CYTH3: variants seen among roughly 807,000 people sequenced by gnomAD.
The protein encoded by CYTH3 is cytohesin-3.
In CYTH3, 23 loss-of-function variants were observed where a neutral mutation model predicts 55.1. The observed-to-expected ratio is 0.42, with a 90% CI of 0.30 to 0.59. CYTH3 has a LOEUF of 0.59. Among genes scored for constraint, CYTH3 ranks in the 20% least tolerant of loss-of-function variants. CYTH3 has a pLI of 0.20. For missense variants in CYTH3, 413 were observed against 524.8 expected (o/e 0.79, Z 2.08); for synonymous variants, 249 against 194.9 (o/e 1.28, Z -2.31).
intron 1 of CYTH3, among the ~76,000 whole-genome samples, chr7:6,194,899 C>T (rs1783889349): frequency 6.6e-6 from 1 of 152,064 alleles, no homozygotes; most frequent in Non-Finnish European, 1.5e-5. Context: ...CACTTGAACC[C>T]AGGAGGTGGA....
intron 4 of CYTH3, 94 bp downstream of exon 4, chr7:6,186,956 C>G (rs912565062): frequency 7.2e-5 from 92 of 1,278,274 alleles, no homozygotes; most frequent in Non-Finnish European, 9.7e-5. Context: ...GGTGACAGGG[C>G]GGACCACCTC....
Position 6,187,698 on chromosome 7 carries a change from C to T in CYTH3, c.141G>A (p.Glu47=). The T allele has an allele frequency of 1.2e-6, 2 of 1,614,150 alleles. No individual in the cohort carries two copies. Among genetic ancestry groups the T allele is most frequent in the South Asian group, 2.2e-5 (2 of 91,082 alleles). Residue 47 remains glutamate, a synonymous_variant, in exon 3 of 13, where the codon GAG becomes GAA. Coordinates refer to ENST00000350796, the MANE Select transcript of CYTH3 (RefSeq NM_004227.4). ...DIERLKYEIA[E]VMTEIDNLTS... is the part of the protein sequence containing the mutation. ...TTAGATTGTCGATCTCTGTCATCAC[C>T]TCTGCAATTTCATATTTCAGCCTCT...
At chr7:6,229,849 T>C (rs1467533654) in intron 1 of CYTH3, among the ~76,000 whole-genome samples, 1 of 146,460 alleles carries the variant, frequency 6.8e-6, no homozygotes, top group Admixed American at 6.8e-5. Context: ...GAATTATCTA[T>C]CTCAGGCTGG....
chr7:6,186,289 G>A (rs1056682289), intron 4 of CYTH3, among the ~76,000 whole-genome samples: 3 of 150,464 alleles, frequency 2.0e-5, no homozygotes, highest in Admixed American at 1.3e-4. Context: ...GAAGACCACA[G>A]GAGTGGCGTG....
chr7:6,170,437 G>A lies in CYTH3; in HGVS notation c.823+98C>T, dbSNP rs1324903845. ...GTTTCTTTTTAACGTCTCTGCCTGC[G>A]GTGGGGGGCATTCCTACGATGAGCC... On this transcript the variant is annotated intron_variant, in intron 9 of 12. Transcript: ENST00000350796. The surrounding 1 kb of genome is among the most constrained non-coding windows in gnomAD (Gnocchi z 7.8). 2.7e-6 allele frequency: 3 copies of A among 1,098,836 alleles called. No homozygotes were observed. Among genetic ancestry groups the A allele is most frequent in the African/African-American group, 3.1e-5 (2 of 63,630 alleles). The allele number at this position is 1,098,836 out of a possible 1,614,324, so 68.1% of individuals were successfully genotyped here.
chr7:6,174,539 GTTTTTTTTTTTTT>G (rs760279977), intron 5 of CYTH3, among the ~76,000 whole-genome samples: 2 of 89,794 alleles, frequency 2.2e-5, no homozygotes, highest in Non-Finnish European at 4.1e-5. Context: ...CTCCTTGTGG[GTTTTTTTTTTTTT>G]TTTTTTTTTT....
chr7:6,236,935 A>G (rs933677802), intron 1 of CYTH3, among the ~76,000 whole-genome samples: 1 of 152,194 alleles, frequency 6.6e-6, no homozygotes, highest in African/African-American at 2.4e-5. Context: ...AAAATTTACA[A>G]ATTTCCCAAT....
intron 1 of CYTH3, among the ~76,000 whole-genome samples, chr7:6,202,845 A>C (rs1271784968): frequency 4.6e-5 from 7 of 152,214 alleles, no homozygotes; most frequent in Non-Finnish European, 4.4e-5. Flanking sequence ...AACATAAGTG[A>C]AAAAAAGGAG....
At position 6,170,800 on chromosome 7, in the gene CYTH3, ACGGCAGCGGCCGCG is replaced by A. The variant is rs1327519377; in HGVS notation, c.711+16_711+29del. On this transcript the variant is annotated intron_variant, in intron 8 of 12. Coordinates refer to ENST00000350796, the MANE Select transcript of CYTH3 (RefSeq NM_004227.4). This position sits in a 1 kb window ranked among gnomAD's most constrained non-coding sequence, Gnocchi z 7.8. ...CGCTCACAGCGAAGAGATCCTGCAG[ACGGCAGCGGCCGCG>A]GGCCGGGGAGCTCACCCTCAGCAGC... The A allele has an allele frequency of 2.5e-6, 4 of 1,596,968 alleles. No individual in the cohort carries two copies. In the Admixed American group the frequency reaches 5.2e-5, roughly 21 times the overall value.
Position 6,162,849 on chromosome 7 carries a change from A to G in CYTH3, c.*2095T>C, listed in dbSNP as rs1782877196. On this transcript the variant is annotated 3_prime_UTR_variant, in exon 13 of 13. Transcript: ENST00000350796. The stretch of plus-strand genomic sequence containing the variant: ...CACCTGGGTTGGTCAGAAGAAGGAA[A>G]CAGCTTGTCCGAGCACAACATGCTG... 6.6e-6 allele frequency: 1 copy of G among 152,624 alleles called. No individual in the cohort carries two copies. The highest frequency in any genetic ancestry group is 2.4e-5 in the African/African-American group (1 of 41,456). The allele number at this position is 152,624 out of a possible 1,614,324, so 9.5% of individuals were successfully genotyped here.
At chr7:6,243,756 T>A (rs1779735016) in intron 1 of CYTH3, among the ~76,000 whole-genome samples, 1 of 152,042 alleles carries the variant, frequency 6.6e-6, no homozygotes, top group African/African-American at 2.4e-5. Flanking sequence ...GGGTCAGAGG[T>A]GGTATTTTAA....
At position 6,164,593 on chromosome 7, in the gene CYTH3, G is replaced by C. The variant is rs182714989; in HGVS notation, c.*351C>G. On this transcript the variant is annotated 3_prime_UTR_variant, in exon 13 of 13. Transcript: ENST00000350796. The stretch of plus-strand genomic sequence containing the variant: ...GTCCCGTGTCTGCTGTGGAGACAGC[G>C]GAAGCTGCTGTCCTGGCTTCTCCCC... 3.3e-3 allele frequency: 1,057 copies of C among 317,928 alleles called. 11 individuals carry two copies. The highest frequency in any genetic ancestry group is 0.022 in the African/African-American group (1,004 of 46,684). The allele number at this position is 317,928 out of a possible 1,614,324, so 19.7% of individuals were successfully genotyped here. A position where few individuals can be genotyped will look rare whatever the true frequency, so the allele number is the denominator to read the frequency against.
intron 1 of CYTH3, among the ~76,000 whole-genome samples, chr7:6,235,472 CAAAA>C (rs57661153): frequency 3.2e-5 from 3 of 93,596 alleles, no homozygotes; most frequent in South Asian, 7.6e-4. Flanking sequence ...GACTCTATCT[CAAAA>C]AAAAAAAAAA....
At position 6,272,536 on chromosome 7, in the gene CYTH3, CGG is replaced by C; in HGVS notation, c.-31_-30del. 1 of 1,209,698 alleles carries C rather than the reference CGG, an allele frequency of 8.3e-7. No homozygotes were observed. 74.9% of individuals were successfully genotyped at this position (1,209,698 alleles called of 1,614,324 possible). On this transcript the variant is annotated 5_prime_UTR_variant, in exon 1 of 13. Coordinates refer to ENST00000350796, the MANE Select transcript of CYTH3 (RefSeq NM_004227.4). The stretch of plus-strand genomic sequence containing the variant: ...GAGGCCACTCCCGCAGCCGGCGAGC[CGG>C]GGGCCGGCAGCAGAGGGGCCGCGGG...
rs146384507 is a variant in CYTH3, at chr7:6,171,367, C to T, written c.450-53G>A. 4.4e-5 allele frequency: 69 copies of T among 1,552,180 alleles called. No homozygotes were observed. The East Asian group carries it at 1.1e-3, about 24-fold the overall frequency. On this transcript the variant is annotated intron_variant, in intron 6 of 12. Transcript: ENST00000350796. The surrounding 1 kb of genome is among the most constrained non-coding windows in gnomAD (Gnocchi z 6.7). The stretch of plus-strand genomic sequence containing the variant: ...CCGCATCAGAACCAACACCGCCTCA[C>T]GGCCAAGGGCGGCTTCTGCCCAGCT...
intron 4 of CYTH3, among the ~76,000 whole-genome samples, chr7:6,185,699 CAAAAA>C (rs34943703): frequency 7.8e-6 from 1 of 127,478 alleles, no homozygotes; most frequent in African/African-American, 2.8e-5. Flanking sequence ...GACTCTGTCT[CAAAAA>C]AAAAAAAAAA....
In CYTH3 at chr7:6,202,709, T is replaced by C. The variant is rs1344068554; in HGVS notation, c.35-12178A>G. Among the ~76,000 whole-genome samples the C allele has an allele frequency of 5.3e-5, 8 of 152,310 alleles. 1 individual carries two copies. In the South Asian group the frequency reaches 1.7e-3, roughly 32 times the overall value. On this transcript the variant is annotated intron_variant, in intron 1 of 12. Coordinates refer to ENST00000350796, the MANE Select transcript of CYTH3 (RefSeq NM_004227.4). ...CCCGACCTGAGGTGATCCGCCCGCCTTGGCCTCCCAAAGTGCTGGGATTAC... is the reference window on the plus strand; with the variant it reads ...CCCGACCTGAGGTGATCCGCCCGCCCTGGCCTCCCAAAGTGCTGGGATTAC...
chr7:6,199,062 A>G (rs1376617920), intron 1 of CYTH3, among the ~76,000 whole-genome samples: 1 of 152,246 alleles, frequency 6.6e-6, no homozygotes, highest in Non-Finnish European at 1.5e-5. Flanking sequence ...CCACAAGGAA[A>G]AAACAATGTG....
At chr7:6,267,672 C>T (rs2115070062) in intron 1 of CYTH3, among the ~76,000 whole-genome samples, 1 of 152,258 alleles carries the variant, frequency 6.6e-6, no homozygotes, top group South Asian at 2.1e-4. Flanking sequence ...TACAGGTGCG[C>T]ATCACTATGC....
Sources: allele counts gnomAD v4.1 joint callset (sites outside exome capture counted in the v4.1 genomes callset), GRCh38; gene constraint gnomAD v4.1.1; non-coding constraint Gnocchi (gnomAD v3.1); transcripts MANE v1.5; gene names NCBI Gene and HGNC (gene_info 2026-07-23, HGNC 2026-07-21).